The following NKAIN1 variants were observed in gnomAD, a reference collection of about 807,000 sequenced individuals.
The protein encoded by NKAIN1 is sodium/potassium-transporting ATPase subunit beta-1-interacting protein 1.
A neutral mutation model predicts 31.6 loss-of-function variants in NKAIN1; 13 were observed. The observed-to-expected ratio is 0.41, with a 90% CI of 0.27 to 0.65. The LOEUF is 0.65. Among genes scored for constraint, NKAIN1 ranks in the 30% least tolerant of loss-of-function variants. NKAIN1 has a pLI of 0.30. For missense variants in NKAIN1, 193 were observed against 262.2 expected (o/e 0.74, Z 1.82); for synonymous variants, 104 against 109.0 (o/e 0.95, Z 0.28).
intron 1 of NKAIN1, among the ~76,000 whole-genome samples, chr1:31,216,159 G>T (rs950760421): frequency 6.6e-6 from 1 of 151,696 alleles, no homozygotes; most frequent in Non-Finnish European, 1.5e-5. Context: ...GAGCACGGGG[G>T]AACGGAATGG....
Position 31,205,773 on chromosome 1 carries a change from C to A in NKAIN1, c.55-17586G>T, listed in dbSNP as rs574461581. Among the ~76,000 whole-genome samples, 22 of 151,492 alleles carry A rather than the reference C, an allele frequency of 1.5e-4. No homozygotes were observed. In the South Asian group the frequency reaches 4.2e-3, roughly 29 times the overall value. The stretch of plus-strand genomic sequence containing the variant: ...AAGTAGCTGGGATTACAGGTGTGTG[C>A]CACCACGCCCAGCTAATTTTTGCAT... On this transcript the variant is annotated intron_variant, in intron 1 of 6. Coordinates refer to ENST00000373736, the MANE Select transcript of NKAIN1 (RefSeq NM_024522.3).
At chr1:31,190,115 A>AG (rs1645274426) in intron 1 of NKAIN1, among the ~76,000 whole-genome samples, 1 of 152,070 alleles carries the variant, frequency 6.6e-6, no homozygotes, top group African/African-American at 2.4e-5. Flanking sequence ...CTGGCTGGGG[A>AG]GGGGGAGGGA....
At chr1:31,205,499 G>A (rs745386909) in intron 1 of NKAIN1, among the ~76,000 whole-genome samples, 1 of 151,996 alleles carries the variant, frequency 6.6e-6, no homozygotes, top group Non-Finnish European at 1.5e-5. Context: ...AGTAGAGATG[G>A]GGTTTCACTA....
chr1:31,208,109 C>T (rs1645437988), intron 1 of NKAIN1, among the ~76,000 whole-genome samples: 2 of 152,172 alleles, frequency 1.3e-5, no homozygotes, highest in South Asian at 4.1e-4. Flanking sequence ...GCTCATGCCA[C>T]CGATGATGGC....
At chr1:31,234,009 C>G (rs1645676449) in intron 1 of NKAIN1, among the ~76,000 whole-genome samples, 1 of 152,234 alleles carries the variant, frequency 6.6e-6, no homozygotes, top group East Asian at 1.9e-4. Context: ...AAACCATCCA[C>G]TCACCTACCC....
intron 4 of NKAIN1, among the ~76,000 whole-genome samples, chr1:31,182,826 C>T (rs1645213555): frequency 6.6e-6 from 1 of 152,148 alleles, no homozygotes; most frequent in South Asian, 2.1e-4. Context: ...CTCAGTTTTC[C>T]CACTTGGACT....
chr1:31,197,226 C>G (rs1645334903), intron 1 of NKAIN1, among the ~76,000 whole-genome samples: 1 of 151,582 alleles, frequency 6.6e-6, no homozygotes, highest in East Asian at 1.9e-4. Context: ...ATTCTCCTGC[C>G]TCAGCCTCCC....
chr1:31,182,454 C>A lies in NKAIN1; in HGVS notation c.532+76G>T, dbSNP rs551604315. Reference sequence around the variant, plus strand: ...GACCCTGGGCTCCCTCCCGCCGGGGCCAGTCACAGGCCTCTGTCCAGGGTG... The same window carrying A: ...GACCCTGGGCTCCCTCCCGCCGGGGACAGTCACAGGCCTCTGTCCAGGGTG... On this transcript the variant is annotated intron_variant, in intron 5 of 6. Transcript: ENST00000373736. 1.8e-5 allele frequency: 27 copies of A among 1,537,338 alleles called. No individual in the cohort carries two copies. The East Asian group carries it at 5.7e-4, about 32-fold the overall frequency.
intron 1 of NKAIN1, among the ~76,000 whole-genome samples, chr1:31,210,136 A>G (rs1645456459): frequency 6.6e-6 from 1 of 152,150 alleles, no homozygotes; most frequent in African/African-American, 2.4e-5. Context: ...TGCTTTGCAG[A>G]AATGCATTAT....
In NKAIN1 at chr1:31,233,788, C is replaced by T. The variant is rs982878409; in HGVS notation, c.54+5706G>A. On this transcript the variant is annotated intron_variant, in intron 1 of 6. Transcript: ENST00000373736. This position sits in a 1 kb window ranked among gnomAD's most constrained non-coding sequence, Gnocchi z 4.0. ...GGCCAGGGACCGTACTTGGCTATCC[C>T]GGCATCAACTTGCGAATTCCCCAAA... Among the ~76,000 whole-genome samples the T allele has an allele frequency of 2.8e-4, 42 of 152,170 alleles. No individual in the cohort carries two copies. The highest frequency in any genetic ancestry group is 8.0e-4 in the African/African-American group (33 of 41,446).
At chr1:31,203,334 TCA>T (rs1645397953) in intron 1 of NKAIN1, among the ~76,000 whole-genome samples, 2 of 38,824 alleles carry the variant, frequency 5.2e-5, no homozygotes, top group Non-Finnish European at 4.5e-4. Context: ...TCAGAAGGGG[TCA>T]CAGTCAATGA....
chr1:31,188,523 C>T (rs1411677704), intron 1 of NKAIN1: 1 of 232,568 alleles, frequency 4.3e-6, no homozygotes, highest in African/African-American at 2.2e-5. Flanking sequence ...CCTTGGAGGG[C>T]AAGGAAGTCC....
chr1:31,192,025 C>A (rs1390397856), intron 1 of NKAIN1, among the ~76,000 whole-genome samples: 1 of 152,198 alleles, frequency 6.6e-6, no homozygotes, highest in Non-Finnish European at 1.5e-5. Context: ...ATCTTCCTGC[C>A]TTGGCCTCCC....
At chr1:31,198,510 C>T (rs113250838) in intron 1 of NKAIN1, among the ~76,000 whole-genome samples, 2,671 of 152,210 alleles carry the variant, frequency 0.018, 41 homozygotes, top group Non-Finnish European at 0.024. Context: ...GTTCCACGTC[C>T]CCCACTCGCC....
intron 2 of NKAIN1, among the ~76,000 whole-genome samples, chr1:31,186,925 G>A (rs185047187): frequency 3.3e-5 from 5 of 152,274 alleles, no homozygotes; most frequent in Admixed American, 1.3e-4. Flanking sequence ...TTCCACCCAC[G>A]GTAGTGAGCT....
intron 1 of NKAIN1, among the ~76,000 whole-genome samples, chr1:31,221,685 C>T (rs1460309980): frequency 1.3e-5 from 2 of 152,076 alleles, no homozygotes; most frequent in East Asian, 1.9e-4. Flanking sequence ...CTGCCCACCT[C>T]GGCCTCCCAA....
chr1:31,216,137 G>A (rs543227154), intron 1 of NKAIN1, among the ~76,000 whole-genome samples: 1 of 151,514 alleles, frequency 6.6e-6, no homozygotes, highest in African/African-American at 2.4e-5. Flanking sequence ...AAGATTAAAG[G>A]GGAGGGCAGA....
intron 1 of NKAIN1, among the ~76,000 whole-genome samples, chr1:31,227,833 GC>G (rs1645619371): frequency 6.6e-6 from 1 of 152,164 alleles, no homozygotes; most frequent in African/African-American, 2.4e-5. Context: ...GTGAGAGGTG[GC>G]TGATGCTCCT....
intron 1 of NKAIN1, among the ~76,000 whole-genome samples, chr1:31,193,130 G>A (rs556803444): frequency 2.6e-5 from 4 of 151,164 alleles, no homozygotes; most frequent in South Asian, 2.1e-4. Flanking sequence ...GTGCAGTGGC[G>A]TGATCTCGGC....
Sources: gnomAD v4.1 joint callset for allele counts (sites outside exome capture counted in the v4.1 genomes callset) on GRCh38, gnomAD v4.1.1 for gene constraint, Gnocchi (gnomAD v3.1) non-coding constraint, MANE v1.5 for transcripts, NCBI Gene and HGNC (gene_info 2026-07-23, HGNC 2026-07-21) for gene names.